Variants in SETX observed in about 807,000 individuals in gnomAD.
SETX encodes the protein helicase senataxin.
Under a neutral mutation model 227.2 loss-of-function variants are expected in SETX, and 90 were observed. That is an observed-to-expected ratio of 0.40 (90% CI 0.33 to 0.47). The LOEUF (loss-of-function observed/expected upper bound fraction) is 0.47, where lower values mean the gene tolerates loss of function less well. Ranked by LOEUF, SETX falls within the 20% of genes least tolerant of loss-of-function variation. The pLI is 0.91. For synonymous variants in SETX, 1,210 were observed against 1,113.2 expected (o/e 1.09, Z -1.73); for missense variants, 3,052 against 3,181.5 (o/e 0.96, Z 0.98).
intron 24 of SETX, among the ~76,000 whole-genome samples, chr9:132,271,262 GTT>G (rs1204517076): frequency 6.7e-6 from 1 of 150,196 alleles, no homozygotes; most frequent in African/African-American, 2.5e-5. Context: ...TATGAAATGG[GTT>G]AATATAAAAG....
intron 21 of SETX, among the ~76,000 whole-genome samples, chr9:132,277,789 C>CAAAAAAAAA (rs372125008): frequency 2.9e-5 from 2 of 68,116 alleles, no homozygotes; most frequent in East Asian, 5.1e-4. Flanking sequence ...ACCCTGTCTT[C>CAAAAAAAAA]AAAAAAAAAA....
At position 132,342,671 on chromosome 9, in the gene SETX, G is replaced by A. The variant is rs1244673662; in HGVS notation, c.498+19C>T. 7 of 1,503,294 alleles carry A rather than the reference G, an allele frequency of 4.7e-6. No homozygotes were observed. Among genetic ancestry groups the A allele is most frequent in the Admixed American group, 3.3e-5 (2 of 59,846 alleles). 93.1% of individuals were successfully genotyped at this position (1,503,294 alleles called of 1,614,324 possible). ...CAAAAGCACAATATACCCTTCTATC[G>A]CCCAACACTCACACTCACCATTTCA... is the stretch of plus-strand genomic sequence containing the variant. On this transcript the variant is annotated intron_variant, in intron 5 of 25. Transcript: ENST00000224140.
At chr9:132,352,753 C>G (rs1371478949) in intron 2 of SETX, among the ~76,000 whole-genome samples, 2 of 152,236 alleles carry the variant, frequency 1.3e-5, no homozygotes, top group Non-Finnish European at 2.9e-5. Context: ...TCTCTACTCA[C>G]ATATCTGACA....
At chr9:132,322,821 C>T (rs942752430) in intron 10 of SETX, among the ~76,000 whole-genome samples, 1 of 118,878 alleles carries the variant, frequency 8.4e-6, no homozygotes, top group African/African-American at 3.2e-5. Context: ...AAGAGAAAAA[C>T]TTTTAGCTAA....
chr9:132,307,038 T>A (rs577643563), intron 11 of SETX, among the ~76,000 whole-genome samples: 18 of 152,324 alleles, frequency 1.2e-4, no homozygotes, highest in African/African-American at 3.4e-4. Context: ...GCGGGTCACC[T>A]GAGGTCAGAA....
chr9:132,322,132 A>T (rs1846400121), intron 10 of SETX, among the ~76,000 whole-genome samples: 1 of 152,184 alleles, frequency 6.6e-6, no homozygotes, highest in African/African-American at 2.4e-5. Flanking sequence ...TTGTAAAAGT[A>T]TCTGAAGATT....
At chr9:132,305,537 C>T (rs1845285318) in intron 11 of SETX, among the ~76,000 whole-genome samples, 1 of 151,988 alleles carries the variant, frequency 6.6e-6, no homozygotes, top group Non-Finnish European at 1.5e-5. Context: ...GTATCACCAG[C>T]AATGAGATTT....
In SETX at chr9:132,346,339, G is replaced by A; in HGVS notation, c.310C>T (p.Gln104Ter). 6.2e-7 allele frequency: 1 copy of A among 1,613,966 alleles called. No individual in the cohort carries two copies. The highest frequency in any genetic ancestry group is 8.5e-7 in the Non-Finnish European group (1 of 1,179,926). ...GEMPLFDITG[Q>*]DFENKLRVPL... Reference sequence around the variant, plus strand: ...ACTCGAAGCTTATTTTCAAAGTCTTGCCCAGTGATGTCAAACAGTGGCATC... The same window carrying A: ...ACTCGAAGCTTATTTTCAAAGTCTTACCCAGTGATGTCAAACAGTGGCATC... The change falls in exon 4 of 26, where the codon CAA (glutamine) becomes TAA (stop). Residue 104 changes from glutamine to a stop codon, truncating the protein, a stop_gained. Transcript: ENST00000224140. LOFTEE classifies it high-confidence loss of function.
At chr9:132,273,885 G>C (rs978041087) in intron 23 of SETX, among the ~76,000 whole-genome samples, 1 of 151,934 alleles carries the variant, frequency 6.6e-6, no homozygotes, top group Non-Finnish European at 1.5e-5. Flanking sequence ...TTAGAGGAAA[G>C]GCTTTCATTC....
chr9:132,325,884 G>A (rs912112691), intron 10 of SETX, among the ~76,000 whole-genome samples: 1 of 141,084 alleles, frequency 7.1e-6, no homozygotes, highest in East Asian at 2.2e-4. Flanking sequence ...AGTGAGCAAA[G>A]ATCGCACCAT....
At chr9:132,347,875 T>C (rs1465717677) in intron 3 of SETX, among the ~76,000 whole-genome samples, 1 of 152,096 alleles carries the variant, frequency 6.6e-6, no homozygotes, top group Non-Finnish European at 1.5e-5. Context: ...CTCTCCTCTA[T>C]ATACTGTATA....
rs555012440 is a variant in SETX, at chr9:132,335,173, A to G, written c.719-446T>C. On this transcript the variant is annotated intron_variant, in intron 6 of 25. Coordinates refer to ENST00000224140, the MANE Select transcript of SETX (RefSeq NM_015046.7). The stretch of plus-strand genomic sequence containing the variant: ...TGGGAGGCCAAGGCGGGCAGATCAC[A>G]AAGTCAGGAGATCGAGACCATCCTG... Among the ~76,000 whole-genome samples, 2,804 of 151,594 alleles carry G rather than the reference A, an allele frequency of 0.018. 141 individuals are homozygous for G. In the East Asian group the frequency reaches 0.2, roughly 11 times the overall value.
At chr9:132,339,988 C>T (rs1346513703) in intron 5 of SETX, among the ~76,000 whole-genome samples, 1 of 152,074 alleles carries the variant, frequency 6.6e-6, no homozygotes, top group Non-Finnish European at 1.5e-5. Flanking sequence ...GTTAACACTA[C>T]TACTTCTACC....
chr9:132,297,629 A>G (rs1844748594), intron 13 of SETX, among the ~76,000 whole-genome samples: 1 of 152,260 alleles, frequency 6.6e-6, no homozygotes, highest in African/African-American at 2.4e-5. Context: ...TGAAAGCCAT[A>G]GCATACAGCT....
chr9:132,279,763 G>GT (rs1843392271), intron 20 of SETX, among the ~76,000 whole-genome samples: 1 of 151,990 alleles, frequency 6.6e-6, no homozygotes, highest in African/African-American at 2.4e-5. Flanking sequence ...GTTATGTAAG[G>GT]TAACGCATCT....
chr9:132,307,279 CAAT>C (rs938854160), intron 11 of SETX, among the ~76,000 whole-genome samples: 4 of 151,952 alleles, frequency 2.6e-5, no homozygotes, highest in East Asian at 3.9e-4. Context: ...ATAATAACAA[CAAT>C]AATAATGTTT....
At position 132,264,007 on chromosome 9, in the gene SETX, GTC is replaced by G; in HGVS notation, c.*230_*231del. 1 of 585,080 alleles carries G rather than the reference GTC, an allele frequency of 1.7e-6. No homozygotes were observed. 36.2% of individuals were successfully genotyped at this position (585,080 alleles called of 1,614,324 possible). ...GAAGACTAAGAGATCAACATTTCCA[GTC>G]TCTGACTTCAAGGACATTATTACGG... On this transcript the variant is annotated 3_prime_UTR_variant, in exon 26 of 26. Coordinates refer to ENST00000224140, the MANE Select transcript of SETX (RefSeq NM_015046.7).
intron 5 of SETX, among the ~76,000 whole-genome samples, chr9:132,339,498 T>C (rs577623938): frequency 1.3e-5 from 2 of 152,322 alleles, no homozygotes; most frequent in Non-Finnish European, 2.9e-5. Flanking sequence ...CTAAATGCTG[T>C]ACACCTCTAT....
intron 23 of SETX, among the ~76,000 whole-genome samples, chr9:132,274,075 T>TCC (rs1191982201): frequency 6.6e-6 from 1 of 152,178 alleles, no homozygotes; most frequent in Non-Finnish European, 1.5e-5. Flanking sequence ...ATATGGTATA[T>TCC]CATATTGATT....
Sources: allele counts gnomAD v4.1 joint callset (sites outside exome capture counted in the v4.1 genomes callset), GRCh38; gene constraint gnomAD v4.1.1; transcripts MANE v1.5; gene names NCBI Gene and HGNC (gene_info 2026-07-23, HGNC 2026-07-21).